Variants in LRRC7 observed in about 807,000 individuals in gnomAD.
LRRC7 encodes the protein leucine rich repeat containing 7.
In LRRC7, 23 loss-of-function variants were observed where a neutral mutation model predicts 175.7. The observed-to-expected ratio is 0.13, with a 90% confidence interval of 0.09 to 0.19. LRRC7 has a LOEUF of 0.19. Ranked by LOEUF, LRRC7 falls within the 10% of genes least tolerant of loss-of-function variation. The pLI is 1.00. For synonymous variants in LRRC7, 685 were observed against 680.9 expected (o/e 1.01, Z -0.09); for missense variants, 1,354 against 1,904.7 (o/e 0.71, Z 5.38).
chr1:69,978,932 G>GAAAAAAAAAAA (rs3069189), intron 8 of LRRC7, among the ~76,000 whole-genome samples: 1 of 126,146 alleles, frequency 7.9e-6, no homozygotes. Flanking sequence ...GTTTCAGTTA[G>GAAAAAAAAAAA]AAAAAAAAAA....
intron 1 of LRRC7, among the ~76,000 whole-genome samples, chr1:69,583,041 AAC>A (rs1352839955): frequency 1.3e-5 from 2 of 151,382 alleles, no homozygotes; most frequent in African/African-American, 4.8e-5. Flanking sequence ...AGTTTGGTTA[AAC>A]AGTTTCTTTC....
At position 70,021,076 on chromosome 1, in the gene LRRC7, G is replaced by T; in HGVS notation, c.1492G>T (p.Ala498Ser). The T allele has an allele frequency of 6.2e-7, 1 of 1,612,838 alleles. No homozygotes were observed. Among genetic ancestry groups the T allele is most frequent in the Non-Finnish European group, 8.5e-7 (1 of 1,179,094 alleles). ...EEQRQQRMTVAFEFEDKKEDD... is the reference protein window; with the variant it reads ...EEQRQQRMTVSFEFEDKKEDD... ...GCAGAGACAACAACGCATGACTGTTGCCTTTGAATTTGAAGACAAAAAAGA... is the reference window on the plus strand; with the variant it reads ...GCAGAGACAACAACGCATGACTGTTTCCTTTGAATTTGAAGACAAAAAAGA... The change falls in exon 16 of 27, where the codon GCC becomes TCC. Residue 498 changes from alanine to serine, a missense_variant. Physicochemically the swap from Ala to Ser is moderately conservative, Grantham distance 99 (BLOSUM62 1). Coordinates refer to ENST00000651989, the MANE Select transcript of LRRC7 (RefSeq NM_001370785.2).
chr1:69,667,444 T>C (rs1443098203), intron 1 of LRRC7, among the ~76,000 whole-genome samples: 1 of 152,162 alleles, frequency 6.6e-6, no homozygotes, highest in Non-Finnish European at 1.5e-5. Context: ...TCTATCTCTC[T>C]CTTTAGCACT....
chr1:69,610,055 C>T (rs933281249), intron 1 of LRRC7, among the ~76,000 whole-genome samples: 3 of 151,976 alleles, frequency 2.0e-5, no homozygotes, highest in Admixed American at 6.6e-5. Context: ...AAGAAAAATC[C>T]TGATATAATA....
intron 3 of LRRC7, among the ~76,000 whole-genome samples, chr1:69,774,411 A>G (rs758638921): frequency 2.6e-5 from 4 of 152,206 alleles, no homozygotes; most frequent in Non-Finnish European, 5.9e-5. Context: ...ACAAAAAAAA[A>G]CTTTTATGAG....
chr1:69,579,292 G>A (rs374886709), intron 1 of LRRC7, among the ~76,000 whole-genome samples: 5 of 152,232 alleles, frequency 3.3e-5, no homozygotes, highest in South Asian at 4.1e-4. Flanking sequence ...AAAGATCACC[G>A]TTAATTTGAA....
chr1:69,979,636 C>T, intron 8 of LRRC7, among the ~76,000 whole-genome samples: 1 of 152,120 alleles, frequency 6.6e-6, no homozygotes, highest in Non-Finnish European at 1.5e-5. Flanking sequence ...ATGGCATGTA[C>T]ATACAAGGCA....
chr1:70,015,167 A>T (rs1308146902), intron 13 of LRRC7, among the ~76,000 whole-genome samples: 1 of 152,048 alleles, frequency 6.6e-6, no homozygotes, highest in Admixed American at 6.6e-5. Flanking sequence ...TATAAAAAAG[A>T]ATTGCGATAT....
intron 7 of LRRC7, among the ~76,000 whole-genome samples, chr1:69,849,194 T>C (rs1281594949): frequency 2.6e-5 from 4 of 152,026 alleles, no homozygotes; most frequent in African/African-American, 4.8e-5. Flanking sequence ...ATGAATCTTA[T>C]CAAGCATTAG....
chr1:70,101,474 G>A (rs962917737), intron 25 of LRRC7, among the ~76,000 whole-genome samples: 3 of 152,058 alleles, frequency 2.0e-5, no homozygotes, highest in Non-Finnish European at 2.9e-5. Flanking sequence ...TGTCACAATC[G>A]TTCACCTTCA....
intron 7 of LRRC7, among the ~76,000 whole-genome samples, chr1:69,894,908 G>A (rs931461870): frequency 6.6e-6 from 1 of 152,164 alleles, no homozygotes; most frequent in South Asian, 2.1e-4. Flanking sequence ...AACAGTGGCC[G>A]TTATCAACAA....
chr1:69,661,787 A>G (rs1657512726), intron 1 of LRRC7, among the ~76,000 whole-genome samples: 1 of 152,188 alleles, frequency 6.6e-6, no homozygotes. Flanking sequence ...TGTATGGTAT[A>G]TATTTAGACA....
intron 7 of LRRC7, among the ~76,000 whole-genome samples, chr1:69,908,650 T>C (rs1352308245): frequency 1.4e-5 from 2 of 146,510 alleles, no homozygotes. Flanking sequence ...ATTTCCGTTC[T>C]TTTACATTTG....
chr1:69,659,947 ATAG>A (rs1384805121), intron 1 of LRRC7, among the ~76,000 whole-genome samples: 3 of 140,542 alleles, frequency 2.1e-5, no homozygotes, highest in Non-Finnish European at 4.8e-5. Flanking sequence ...ACAAAATAAG[ATAG>A]TAGACTTAAA....
intron 13 of LRRC7, among the ~76,000 whole-genome samples, chr1:70,013,732 C>T (rs948875266): frequency 4.0e-5 from 6 of 151,840 alleles, no homozygotes; most frequent in East Asian, 1.9e-4. Flanking sequence ...AGGATAAGAA[C>T]AAATATTGAC....
At chr1:69,603,064 A>G (rs1466873850) in intron 1 of LRRC7, among the ~76,000 whole-genome samples, 1 of 152,206 alleles carries the variant, frequency 6.6e-6, no homozygotes, top group African/African-American at 2.4e-5. Flanking sequence ...TGAGTGAAGC[A>G]TGACTATACA....
chr1:70,063,705 C>T (rs1661755421), intron 23 of LRRC7, among the ~76,000 whole-genome samples: 1 of 152,028 alleles, frequency 6.6e-6, no homozygotes, highest in Non-Finnish European at 1.5e-5. Flanking sequence ...TTTATCGTTA[C>T]TCTTAACATC....
chr1:70,002,386 G>A (rs1035086693), intron 11 of LRRC7, among the ~76,000 whole-genome samples: 2 of 152,140 alleles, frequency 1.3e-5, no homozygotes, highest in Non-Finnish European at 2.9e-5. Context: ...AAGCTTCATG[G>A]ACAAATAATT....
rs1423044456 is a variant in LRRC7 at position 70,121,479 on chromosome 1, G to A, written c.4621-301G>A. Among the ~76,000 whole-genome samples the A allele has an allele frequency of 3.3e-5, 5 of 151,930 alleles. No individual in the cohort carries two copies. In the East Asian group the frequency reaches 9.6e-4, roughly 29 times the overall value. ...AATCAGCCCCTGCAAAAACAAATCAGGACAACAACAATGGAACTGAACTAC... is the reference window on the plus strand; with the variant it reads ...AATCAGCCCCTGCAAAAACAAATCAAGACAACAACAATGGAACTGAACTAC... On this transcript the variant is annotated intron_variant, in intron 26 of 26. Coordinates refer to ENST00000651989, the MANE Select transcript of LRRC7 (RefSeq NM_001370785.2).
Sources: allele counts gnomAD v4.1 joint callset (sites outside exome capture counted in the v4.1 genomes callset), GRCh38; gene constraint gnomAD v4.1.1; transcripts MANE v1.5; gene names NCBI Gene and HGNC (gene_info 2026-07-23, HGNC 2026-07-21).